Variants in VIRMA observed in about 807,000 individuals in gnomAD.
VIRMA encodes protein virilizer homolog.
Under a neutral mutation model 182.4 loss-of-function variants are expected in VIRMA, and 65 were observed. The ratio of observed to expected loss-of-function variants is 0.36; its 90% confidence interval spans 0.29 to 0.44. VIRMA has a LOEUF of 0.44. VIRMA is among the 20% of genes least tolerant of loss of function. VIRMA has a pLI of 1.00. For missense variants in VIRMA, 1,752 were observed against 2,158.1 expected (o/e 0.81, Z 3.73); for synonymous variants, 709 against 743.1 (o/e 0.95, Z 0.75).
intron 15 of VIRMA, among the ~76,000 whole-genome samples, chr8:94,506,973 C>A (rs1180019176): frequency 6.6e-6 from 1 of 151,948 alleles, no homozygotes; most frequent in African/African-American, 2.4e-5. Context: ...AAAACAACAT[C>A]TTTCAAATTT....
rs1277002630 is a variant in VIRMA, at chr8:94,511,704, A to G, written c.2871T>C (p.Asn957=). 2 of 1,613,678 alleles carry G rather than the reference A, an allele frequency of 1.2e-6. No individual in the cohort carries two copies. Among genetic ancestry groups the G allele is most frequent in the Non-Finnish European group, 1.7e-6 (2 of 1,179,770 alleles). ...VEGQQKDLKW[N]LAVIQLFSAE... The stretch of plus-strand genomic sequence containing the variant: ...CAGAAAAAAGCTGAATAACGGCAAG[A>G]TTCCATTTCAGATCTTTCTGTTGAC... The change falls in exon 13 of 24, where the codon AAT becomes AAC. Residue 957 remains asparagine, a synonymous_variant. Transcript: ENST00000297591.
At chr8:94,525,114 C>T (rs75560438) in intron 8 of VIRMA, among the ~76,000 whole-genome samples, 6,074 of 152,158 alleles carry the variant, frequency 0.04, 133 homozygotes, top group Non-Finnish European at 0.05. Context: ...TCTCAGGGTT[C>T]CCCCCAAAGG....
chr8:94,506,995 G>A (rs1586074442), intron 15 of VIRMA, among the ~76,000 whole-genome samples: 2 of 151,754 alleles, frequency 1.3e-5, no homozygotes, highest in South Asian at 4.2e-4. Flanking sequence ...TTTTCTTTCA[G>A]TATTGCAGTA....
chr8:94,549,811 G>A (rs1815909276), intron 1 of VIRMA, among the ~76,000 whole-genome samples: 1 of 152,128 alleles, frequency 6.6e-6, no homozygotes, highest in African/African-American at 2.4e-5. Context: ...TGAAAACTCA[G>A]CGTGGGCCCT....
chr8:94,520,283 G>A lies in VIRMA; in HGVS notation c.2022-807C>T, dbSNP rs3133642. On this transcript the variant is annotated intron_variant, in intron 8 of 23. Coordinates refer to ENST00000297591, the MANE Select transcript of VIRMA (RefSeq NM_015496.5). The stretch of plus-strand genomic sequence containing the variant: ...GCTGAGGCTGGAGGATCACTTGAGC[G>A]CAGTAATTTCACACCAGCCTTGAGC... Among the ~76,000 whole-genome samples, 9 of 151,140 alleles carry A rather than the reference G, an allele frequency of 6.0e-5. No individual in the cohort carries two copies. The East Asian group carries it at 7.8e-4, about 13-fold the overall frequency.
chr8:94,515,095 ATTCT>A (rs1174151283), intron 10 of VIRMA, 144 bp from the exon 11 acceptor site: 99 of 427,270 alleles, frequency 2.3e-4, no homozygotes, highest in African/African-American at 2.0e-3. Context: ...CATGCATCTA[ATTCT>A]TTTTTTTTTT....
At position 94,529,332 on chromosome 8, in the gene VIRMA, G is replaced by C. The variant is rs373669742; in HGVS notation, c.618C>G (p.Asp206Glu). 6.3e-7 allele frequency: 1 copy of C among 1,597,336 alleles called. No individual in the cohort carries two copies. The highest frequency in any genetic ancestry group is 2.2e-5 in the East Asian group (1 of 44,742). ...CTCTATGAGGAGCATCCTCTTCCTT[G>C]TCACCAGACACTGAAAAATTGAGAT... ...DDPVPLPVSG[D>E]KEEDAPHRED... Residue 206 changes from aspartate to glutamate, a missense_variant, in exon 7 of 24, where the codon GAC becomes GAG. Asp to Glu is a conservative substitution (Grantham distance 45). Around this residue, in one of 11 missense-constraint regions of VIRMA, gnomAD observed 114 missense variants for 106.9 expected, o/e 1.07. Transcript: ENST00000297591.
In VIRMA at chr8:94,538,273, C is replaced by G. The variant is rs199755432; in HGVS notation, c.253G>C (p.Asp85His). The change falls in exon 3 of 24, where the codon GAT (aspartate) becomes CAT (histidine). Residue 85 changes from aspartate to histidine, a missense_variant. Transcript: ENST00000297591. ...NVSKPSAPVF[D>H]RLGSLEYDEN... ...GCAGGTACATACCTTCCCAACCTATCGAAAACAGGGGCACTTGGTTTGCTT... is the reference window on the plus strand; with the variant it reads ...GCAGGTACATACCTTCCCAACCTATGGAAAACAGGGGCACTTGGTTTGCTT... The G allele has an allele frequency of 7.4e-6, 12 of 1,611,598 alleles. No homozygotes were observed. Among genetic ancestry groups the G allele is most frequent in the South Asian group, 3.3e-5 (3 of 91,016 alleles).
At chr8:94,538,480 A>C in intron 2 of VIRMA, 134 bp from the exon 3 acceptor site, 1 of 581,856 alleles carries the variant, frequency 1.7e-6, no homozygotes, top group Non-Finnish European at 3.0e-6. Context: ...TTAAATAACA[A>C]AAATATAGTT....
At chr8:94,533,803 G>A (rs965054191) in intron 5 of VIRMA, 2 of 151,876 alleles carry the variant, frequency 1.3e-5, no homozygotes, top group African/African-American at 4.8e-5. Flanking sequence ...CGAACTCCTG[G>A]GCTCAATCGA....
chr8:94,516,542 C>T (rs28666401), intron 10 of VIRMA, among the ~76,000 whole-genome samples: 6,065 of 152,066 alleles, frequency 0.04, 131 homozygotes, highest in Non-Finnish European at 0.05. Flanking sequence ...AAATAGTAGC[C>T]AGGTCTTTCC....
rs76706433 is a variant in VIRMA, at chr8:94,529,231, A to C, written c.719T>G (p.Val240Gly). 18,691 of 1,582,056 alleles carry C rather than the reference A, an allele frequency of 0.012. 147 individuals carry two copies. Among genetic ancestry groups the C allele is most frequent in the Non-Finnish European group, 0.014 (16,118 of 1,150,946 alleles). ...TCCTTCTTCTTGTTGTTCCTCTTCT[A>C]CTTCTCCTTCATCAGAATATTGCCC... is the stretch of plus-strand genomic sequence containing the variant. ...QEGQYSDEGE[V>G]EEEQQEEGEE... is the part of the protein sequence containing the mutation. The change falls in exon 7 of 24, where the codon GTA (valine) becomes GGA (glycine). Residue 240 changes from valine (V) to glycine (G), a missense_variant. Physicochemically the swap from Val to Gly is moderately radical, Grantham distance 109. Transcript: ENST00000297591.
rs1009503164 is a variant in VIRMA at position 94,517,784 on chromosome 8, A to T, written c.2668+4T>A. 1 of 1,587,788 alleles carries T rather than the reference A, an allele frequency of 6.3e-7. No individual in the cohort carries two copies. The highest frequency in any genetic ancestry group is 8.6e-7 in the Non-Finnish European group (1 of 1,163,214). The stretch of plus-strand genomic sequence containing the variant: ...AATGCTTAAAATAACTTTAAGTACC[A>T]TACCTTGCAATTTAGCATTATTTTC... On this transcript the variant is annotated splice_donor_region_variant and intron_variant, in intron 10 of 23. Transcript: ENST00000297591.
At chr8:94,545,468 A>T (rs1251615496) in intron 1 of VIRMA, among the ~76,000 whole-genome samples, 1 of 152,208 alleles carries the variant, frequency 6.6e-6, no homozygotes, top group African/African-American at 2.4e-5. Flanking sequence ...TTGTATATAA[A>T]AGAGTTTCTG....
Position 94,512,191 on chromosome 8 carries a change from A to G in VIRMA, c.2752-102T>C, listed in dbSNP as rs1814404489. On this transcript the variant is annotated intron_variant, in intron 11 of 23. Transcript: ENST00000297591. The stretch of plus-strand genomic sequence containing the variant: ...TACTTGAAAATATGAGCTTCAAGTT[A>G]AGAACATACAATATTTTATATTTAT... 3 of 402,580 alleles carry G rather than the reference A, an allele frequency of 7.5e-6. No homozygotes were observed. In the South Asian group the frequency reaches 2.7e-4, roughly 36 times the overall value. The allele number at this position is 402,580 out of a possible 1,614,324, so 24.9% of individuals were successfully genotyped here.
intron 2 of VIRMA, among the ~76,000 whole-genome samples, chr8:94,539,712 C>T (rs968651027): frequency 6.6e-6 from 1 of 152,016 alleles, no homozygotes; most frequent in African/African-American, 2.4e-5. Flanking sequence ...TTGAACGTAC[C>T]CCACAAAGTC....
rs192888469 is a variant in VIRMA, at chr8:94,497,983, G to A, written c.4230+1391C>T. On this transcript the variant is annotated intron_variant, in intron 17 of 23. Coordinates refer to ENST00000297591, the MANE Select transcript of VIRMA (RefSeq NM_015496.5). Reference sequence around the variant, plus strand: ...GCCATGATCACACCACTGCACTCCAGCCTGGGCACCAGAGTGAGACCTCGT... The same window carrying A: ...GCCATGATCACACCACTGCACTCCAACCTGGGCACCAGAGTGAGACCTCGT... 5 of 152,432 alleles carry A rather than the reference G, an allele frequency of 3.3e-5. No homozygotes were observed. In the East Asian group the frequency reaches 9.7e-4, roughly 29 times the overall value. The allele number at this position is 152,432 out of a possible 1,614,324, so 9.4% of individuals were successfully genotyped here.
At position 94,527,504 on chromosome 8, in the gene VIRMA, C is replaced by T. The variant is rs887087397; in HGVS notation, c.881-141G>A. ...CCAACTTCTGCCCCAACATCTTACC[C>T]ACAATTTTACAACATTTTATAATTT... On this transcript the variant is annotated intron_variant, in intron 7 of 23. Coordinates refer to ENST00000297591, the MANE Select transcript of VIRMA (RefSeq NM_015496.5). 42 of 547,556 alleles carry T rather than the reference C, an allele frequency of 7.7e-5. No individual in the cohort carries two copies. In the South Asian group the frequency reaches 1.4e-3, roughly 18 times the overall value. The allele number at this position is 547,556 out of a possible 1,614,324, so 33.9% of individuals were successfully genotyped here.
chr8:94,545,020 G>A (rs1315718342), intron 1 of VIRMA, among the ~76,000 whole-genome samples: 1 of 152,024 alleles, frequency 6.6e-6, no homozygotes, highest in Non-Finnish European at 1.5e-5. Context: ...AACTACTCAG[G>A]GGGCTGAGGT....
Sources: allele counts gnomAD v4.1 joint callset (sites outside exome capture counted in the v4.1 genomes callset), GRCh38; gene constraint gnomAD v4.1.1; regional missense constraint gnomAD v4.1.1; transcripts MANE v1.5; gene names NCBI Gene and HGNC (gene_info 2026-07-23, HGNC 2026-07-21).